Variants in CA10 observed in about 807,000 individuals in gnomAD.
The protein encoded by CA10 is carbonic anhydrase 10 (inactive), also known as carbonic anhydrase-related protein 10.
Under a neutral mutation model 44.2 loss-of-function variants are expected in CA10, and 14 were observed. The observed-to-expected ratio is 0.32, with a 90% CI of 0.21 to 0.50. CA10 has a LOEUF of 0.50. Among genes scored for constraint, CA10 ranks in the 20% least tolerant of loss-of-function variants. CA10 has a pLI of 0.99. For missense variants in CA10, 350 were observed against 409.7 expected, an observed-to-expected ratio of 0.85 and a Z score of 1.26; for synonymous variants, 159 against 141.6, an observed-to-expected ratio of 1.12 and a Z score of -0.87.
chr17:52,130,119 G>A (rs976426141), intron 1 of CA10, among the ~76,000 whole-genome samples: 1 of 152,180 alleles, frequency 6.6e-6, no homozygotes, highest in African/African-American at 2.4e-5. Context: ...CCTTATTCAT[G>A]TTAGAATGTC....
At chr17:51,848,484 T>G (rs1978598574) in intron 3 of CA10, among the ~76,000 whole-genome samples, 1 of 152,204 alleles carries the variant, frequency 6.6e-6, no homozygotes. Flanking sequence ...CCAGGTGCTG[T>G]GGCAGGCAAT....
At chr17:51,682,249 G>A (rs1914872662) in intron 4 of CA10, among the ~76,000 whole-genome samples, 1 of 152,160 alleles carries the variant, frequency 6.6e-6, no homozygotes, top group South Asian at 2.1e-4. Context: ...ACGTGGTTGG[G>A]CAGCCACACT....
chr17:51,973,114 C>A (rs1984339996), intron 2 of CA10, among the ~76,000 whole-genome samples: 1 of 152,040 alleles, frequency 6.6e-6, no homozygotes, highest in Non-Finnish European at 1.5e-5. Flanking sequence ...TAATGAATAC[C>A]AGATCAAACT....
chr17:52,055,281 G>A (rs960413193), intron 2 of CA10, among the ~76,000 whole-genome samples: 3 of 148,746 alleles, frequency 2.0e-5, no homozygotes, highest in African/African-American at 7.4e-5. Flanking sequence ...GTGTGAGGGT[G>A]AAGACAAACC....
chr17:51,779,959 A>G (rs927305099), intron 3 of CA10, among the ~76,000 whole-genome samples: 4 of 152,216 alleles, frequency 2.6e-5, no homozygotes, highest in Non-Finnish European at 5.9e-5. Flanking sequence ...TGTAGTATCC[A>G]GAGGCTATAT....
At chr17:51,679,068 G>A (rs547154695) in intron 4 of CA10, among the ~76,000 whole-genome samples, 3 of 152,154 alleles carry the variant, frequency 2.0e-5, no homozygotes, top group African/African-American at 7.2e-5. Flanking sequence ...CCCTCAAAGA[G>A]TTTACCATTT....
At chr17:52,104,086 A>C (rs916554773) in intron 1 of CA10, among the ~76,000 whole-genome samples, 2 of 152,166 alleles carry the variant, frequency 1.3e-5, no homozygotes, top group African/African-American at 4.8e-5. Context: ...AGTCTAATGG[A>C]CTTAAGATAA....
rs770098096 is a variant in CA10, at chr17:51,631,570, C to T, written c.*14G>A. On this transcript the variant is annotated 3_prime_UTR_variant, in exon 9 of 9. Transcript: ENST00000451037. The stretch of plus-strand genomic sequence containing the variant: ...AGCATTTCACTGAGGTGGGATTCTT[C>T]TTGGCTTTGTTCCCTACTTGAGGAG... 2.5e-6 allele frequency: 4 copies of T among 1,611,480 alleles called. No homozygotes were observed. The South Asian group carries it at 4.4e-5, about 18-fold the overall frequency.
chr17:52,133,258 G>A (rs1216811517), intron 1 of CA10, among the ~76,000 whole-genome samples: 1 of 152,200 alleles, frequency 6.6e-6, no homozygotes, highest in East Asian at 1.9e-4. Context: ...GGAGCCTCCA[G>A]CGCCCCAGCG....
At chr17:51,753,599 C>T (rs974312618) in intron 3 of CA10, among the ~76,000 whole-genome samples, 30 of 152,084 alleles carry the variant, frequency 2.0e-4, no homozygotes, top group Non-Finnish European at 3.1e-4. Context: ...TGAATTTTCT[C>T]TGTTAATCAT....
chr17:52,049,815 C>T (rs999815541), intron 2 of CA10, among the ~76,000 whole-genome samples: 3 of 152,028 alleles, frequency 2.0e-5, no homozygotes, highest in Non-Finnish European at 4.4e-5. Context: ...ATGTTTCAGT[C>T]AGTGGTGGAC....
intron 3 of CA10, among the ~76,000 whole-genome samples, chr17:51,863,143 A>G (rs1166572536): frequency 6.6e-6 from 1 of 152,230 alleles, no homozygotes; most frequent in African/African-American, 2.4e-5. Flanking sequence ...GGGGTACTGC[A>G]TAAGTCAACA....
At chr17:52,149,498 T>G (rs1030263413) in intron 1 of CA10, among the ~76,000 whole-genome samples, 11 of 152,194 alleles carry the variant, frequency 7.2e-5, no homozygotes, top group Admixed American at 1.3e-4. Flanking sequence ...GTTATAAAAG[T>G]GATCCTAGAT....
At chr17:51,878,740 C>A (rs1051036490) in intron 3 of CA10, among the ~76,000 whole-genome samples, 1 of 148,470 alleles carries the variant, frequency 6.7e-6, no homozygotes, top group Non-Finnish European at 1.5e-5. Context: ...ATAATATGAG[C>A]CAAAGAAATG....
At chr17:51,829,029 C>A (rs966783804) in intron 3 of CA10, among the ~76,000 whole-genome samples, 30 of 152,164 alleles carry the variant, frequency 2.0e-4, no homozygotes, top group African/African-American at 7.0e-4. Flanking sequence ...TAAACCACCC[C>A]CCAAGGTCAG....
At chr17:51,820,190 C>G (rs1357402368) in intron 3 of CA10, among the ~76,000 whole-genome samples, 1 of 128,770 alleles carries the variant, frequency 7.8e-6, no homozygotes, top group African/African-American at 3.1e-5. Context: ...GCGCCGCCCC[C>G]CCCCCCCCAG....
chr17:51,998,617 A>G (rs956975030), intron 2 of CA10, among the ~76,000 whole-genome samples: 1 of 152,072 alleles, frequency 6.6e-6, no homozygotes, highest in Non-Finnish European at 1.5e-5. Flanking sequence ...CACTTTCTGC[A>G]GTATATCAAC....
At chr17:52,139,202 G>T (rs1989424096) in intron 1 of CA10, among the ~76,000 whole-genome samples, 1 of 152,186 alleles carries the variant, frequency 6.6e-6, no homozygotes, top group Admixed American at 6.5e-5. Flanking sequence ...TTCTGTTTGT[G>T]AAGGAACAGC....
At chr17:51,973,673 T>C (rs187646408) in intron 2 of CA10, among the ~76,000 whole-genome samples, 2 of 152,324 alleles carry the variant, frequency 1.3e-5, no homozygotes, top group Admixed American at 1.3e-4. Flanking sequence ...AAGTAGTCTT[T>C]AGACCCATTC....
Sources: gnomAD v4.1 joint callset for allele counts (sites outside exome capture counted in the v4.1 genomes callset) on GRCh38, gnomAD v4.1.1 for gene constraint, MANE v1.5 for transcripts, NCBI Gene and HGNC (gene_info 2026-07-23, HGNC 2026-07-21) for gene names.